Variants in SLC25A17 observed in about 807,000 individuals in gnomAD.
SLC25A17 encodes solute carrier family 25 member 17.
Under a neutral mutation model 38.5 loss-of-function variants are expected in SLC25A17, and 26 were observed. The ratio of observed to expected loss-of-function variants is 0.68; its 90% confidence interval spans 0.50 to 0.94. SLC25A17 has a LOEUF of 0.94. Among genes scored for constraint, SLC25A17 ranks in the 40% least tolerant of loss-of-function variants. SLC25A17 has a pLI of 0.00. For missense variants in SLC25A17, 333 were observed against 372.7 expected, an observed-to-expected ratio of 0.89 and a Z score of 0.88; for synonymous variants, 139 against 136.2, an observed-to-expected ratio of 1.02 and a Z score of -0.14.
Position 40,779,075 on chromosome 22 carries a change from G to T in SLC25A17, c.385C>A (p.Leu129Met), listed in dbSNP as rs2057272421. The stretch of plus-strand genomic sequence containing the variant: ...CTAAATTTTGCTCCTTGAAGCTTCA[G>T]TCTGGTGTTTACCACCCAGAGTGGA... ...TTPLWVVNTR[L>M]KLQGAKFRNE... is the part of the protein sequence containing the mutation. The change falls in exon 5 of 9, where the codon CTG (leucine) becomes ATG (methionine). Residue 129 changes from leucine (L) to methionine (M), a missense_variant. Leu to Met is a conservative substitution (Grantham distance 15, BLOSUM62 2). Transcript: ENST00000435456. 1 of 1,614,052 alleles carries T rather than the reference G, an allele frequency of 6.2e-7. No individual in the cohort carries two copies. Among genetic ancestry groups the T allele is most frequent in the East Asian group, 2.2e-5 (1 of 44,896 alleles).
chr22:40,775,762 C>T (rs999407587), intron 7 of SLC25A17, among the ~76,000 whole-genome samples: 7 of 152,180 alleles, frequency 4.6e-5, no homozygotes, highest in Admixed American at 1.3e-4. Flanking sequence ...CGCGCCCAAC[C>T]GATCTGATGG....
rs74278101 is a variant in SLC25A17 at position 40,813,219 on chromosome 22, G to A, written c.54+5976C>T. Among the ~76,000 whole-genome samples the A allele has an allele frequency of 2.0e-5, 3 of 152,196 alleles. No individual in the cohort carries two copies. The East Asian group carries it at 5.8e-4, about 29-fold the overall frequency. ...TAATTTTGAGACCGGTATTTGTCAA[G>A]GTTGCTATGAGAAGTTAGAATCAAA... On this transcript the variant is annotated intron_variant, in intron 1 of 8. Transcript: ENST00000435456.
At chr22:40,785,831 T>C (rs930181694) in intron 4 of SLC25A17, among the ~76,000 whole-genome samples, 12 of 151,924 alleles carry the variant, frequency 7.9e-5, no homozygotes, top group Non-Finnish European at 2.9e-5. Context: ...AAATGAGGTC[T>C]TGCTATGGTG....
chr22:40,805,228 G>A (rs965455968), intron 1 of SLC25A17, among the ~76,000 whole-genome samples: 1 of 152,160 alleles, frequency 6.6e-6, no homozygotes, highest in Non-Finnish European at 1.5e-5. Context: ...CCAGCTACTC[G>A]GGAGGCTGAG....
chr22:40,816,344 A>C (rs1350948941), intron 1 of SLC25A17, among the ~76,000 whole-genome samples: 1 of 152,168 alleles, frequency 6.6e-6, no homozygotes, highest in Non-Finnish European at 1.5e-5. Flanking sequence ...TCAGAAAACT[A>C]TGGCCTATGG....
intron 1 of SLC25A17, among the ~76,000 whole-genome samples, chr22:40,809,795 T>C (rs1297642487): frequency 1.3e-5 from 2 of 152,116 alleles, no homozygotes; most frequent in East Asian, 3.8e-4. Context: ...ACAGAGGCCA[T>C]TAACTACAAA....
chr22:40,794,677 T>C, intron 2 of SLC25A17, 97 bp from the exon 3 acceptor site: 3 of 564,760 alleles, frequency 5.3e-6, no homozygotes, highest in Non-Finnish European at 9.1e-6. Flanking sequence ...TGGAGTGCAG[T>C]GGCGTGATCT....
rs2057368306 is a variant in SLC25A17 at position 40,789,682 on chromosome 22, A to AT, written c.334+2842dup. 6.6e-6 allele frequency among the ~76,000 whole-genome samples: 1 copy of AT among 151,178 alleles called. No homozygotes were observed. Among genetic ancestry groups the AT allele is most frequent in the Non-Finnish European group, 1.5e-5 (1 of 67,818 alleles). ...CTACCACACCTGGCTAATTTTTTGT[A>AT]TTTTCAGTAAAGGTGGGGTTTCACC... On this transcript the variant is annotated intron_variant, in intron 4 of 8. Coordinates refer to ENST00000435456, the MANE Select transcript of SLC25A17 (RefSeq NM_006358.4). This position sits in a 1 kb window ranked among gnomAD's most constrained non-coding sequence, Gnocchi z 4.5.
At chr22:40,774,715 T>A (rs188996645) in intron 7 of SLC25A17, among the ~76,000 whole-genome samples, 43 of 152,330 alleles carry the variant, frequency 2.8e-4, no homozygotes, top group Admixed American at 2.5e-3. Flanking sequence ...CTCTTCAGAT[T>A]ATGTGTTTAC....
intron 4 of SLC25A17, among the ~76,000 whole-genome samples, chr22:40,783,169 C>T (rs2057309007): frequency 6.6e-6 from 1 of 152,138 alleles, no homozygotes; most frequent in Non-Finnish European, 1.5e-5. Context: ...AAAGAGAAGA[C>T]CTACAATCAG....
intron 4 of SLC25A17, among the ~76,000 whole-genome samples, chr22:40,785,381 C>T (rs2057329286): frequency 6.6e-6 from 1 of 152,144 alleles, no homozygotes; most frequent in African/African-American, 2.4e-5. Flanking sequence ...GAGACTCCTT[C>T]TCAAAAAACA....
At chr22:40,776,443 T>G in intron 7 of SLC25A17, 1 of 308,052 alleles carries the variant, frequency 3.2e-6, no homozygotes, top group Non-Finnish European at 6.4e-6. Context: ...ACCAATCAAC[T>G]TGAATGAGAA....
Position 40,777,107 on chromosome 22 carries a change from C to G in SLC25A17, c.626G>C (p.Gly209Ala), listed in dbSNP as rs750584554. ...GGTGGCAATCGCTTTGGCTACTGCA[C>G]CAATGATGAACACATCCAAGGAAGA... is the stretch of plus-strand genomic sequence containing the variant. ...KLSSLDVFII[G>A]AVAKAIATTV... Residue 209 changes from glycine to alanine, a missense_variant, in exon 7 of 9, where the codon GGT (glycine) becomes GCT (alanine). Gly to Ala is a moderately conservative substitution (Grantham distance 60). Transcript: ENST00000435456. 3.5e-5 allele frequency: 57 copies of G among 1,613,942 alleles called. No homozygotes were observed. The highest frequency in any genetic ancestry group is 1.6e-4 in the Middle Eastern group (1 of 6,084).
intron 1 of SLC25A17, among the ~76,000 whole-genome samples, chr22:40,802,582 T>C (rs910852699): frequency 3.3e-5 from 5 of 151,924 alleles, no homozygotes; most frequent in Admixed American, 6.6e-5. Flanking sequence ...GAGGCGGAGG[T>C]TGCAGTGAGC....
intron 4 of SLC25A17, chr22:40,779,817 A>T (rs2057279338): frequency 6.5e-6 from 1 of 152,710 alleles, no homozygotes; most frequent in East Asian, 1.9e-4. Flanking sequence ...CAATACAATG[A>T]GCCAGGTGCT....
At chr22:40,792,844 A>G (rs1281106178) in intron 3 of SLC25A17, among the ~76,000 whole-genome samples, 168 bp from the exon 4 acceptor site, 2 of 152,224 alleles carry the variant, frequency 1.3e-5, no homozygotes, top group African/African-American at 4.8e-5. Flanking sequence ...AGGATGTCCA[A>G]ATCAAGAAAT....
At chr22:40,773,433 A>G (rs1029532919) in intron 8 of SLC25A17, among the ~76,000 whole-genome samples, 3 of 145,230 alleles carry the variant, frequency 2.1e-5, no homozygotes, top group Non-Finnish European at 4.6e-5. Flanking sequence ...AAAAAAAAAA[A>G]GGATTGAGAT....
chr22:40,811,496 C>T (rs1314990244), intron 1 of SLC25A17, among the ~76,000 whole-genome samples: 2 of 151,756 alleles, frequency 1.3e-5, no homozygotes, highest in African/African-American at 4.8e-5. Flanking sequence ...GTGGTGCAAT[C>T]GTGGCTCACT....
intron 1 of SLC25A17, among the ~76,000 whole-genome samples, chr22:40,810,837 T>C (rs6002162): frequency 7.2e-5 from 11 of 152,354 alleles, no homozygotes; most frequent in African/African-American, 2.6e-4. Flanking sequence ...TATAATAATA[T>C]ACTGATATCT....
Sources: gnomAD v4.1 joint callset for allele counts (sites outside exome capture counted in the v4.1 genomes callset) on GRCh38, gnomAD v4.1.1 for gene constraint, Gnocchi (gnomAD v3.1) non-coding constraint, MANE v1.5 for transcripts, NCBI Gene and HGNC (gene_info 2026-07-23, HGNC 2026-07-21) for gene names.